ABI1: variants seen among roughly 807,000 people sequenced by gnomAD.
The protein encoded by ABI1 is abl interactor 1, also known as Abelson interactor 1.
Under a neutral mutation model 54.6 loss-of-function variants are expected in ABI1, and 14 were observed. The observed-to-expected ratio is 0.26, with a 90% confidence interval of 0.17 to 0.40. ABI1 has a LOEUF of 0.40. Among genes scored for constraint, ABI1 ranks in the 10% least tolerant of loss-of-function variants. The pLI, the probability that ABI1 is intolerant of heterozygous loss-of-function variation, is 1.00. For missense variants in ABI1, 443 were observed against 598.3 expected (o/e 0.74, Z 2.71); for synonymous variants, 194 against 209.3 (o/e 0.93, Z 0.63).
At chr10:26,834,299 A>G (rs1424650351) in intron 1 of ABI1, among the ~76,000 whole-genome samples, 7 of 152,270 alleles carry the variant, frequency 4.6e-5, no homozygotes, top group Admixed American at 6.5e-5. Flanking sequence ...ACAACCTCAA[A>G]AAGCACAGGC....
chr10:26,775,866 ATG>A (rs1325813265), intron 3 of ABI1, among the ~76,000 whole-genome samples: 1 of 152,182 alleles, frequency 6.6e-6, no homozygotes, highest in Non-Finnish European at 1.5e-5. Context: ...GTGTGCAAGT[ATG>A]TGTGTGCACA....
Position 26,823,133 on chromosome 10 carries a change from G to C in ABI1, c.285+5C>G, listed in dbSNP as rs750623551. 3 of 1,583,818 alleles carry C rather than the reference G, an allele frequency of 1.9e-6. No individual in the cohort carries two copies. The highest frequency in any genetic ancestry group is 2.8e-5 in the African/African-American group (2 of 72,710). ...TTGAATTTAAAGCATTTTATAAGCT[G>C]TTACCTGTGAGATATGATTGATGGA... On this transcript the variant is annotated splice_donor_5th_base_variant and intron_variant, in intron 2 of 10. Coordinates refer to ENST00000376140, the MANE Select transcript of ABI1 (RefSeq NM_001012750.3).
chr10:26,823,347 C>T, intron 1 of ABI1, 42 bp from the exon 2 acceptor site: 1 of 1,386,340 alleles, frequency 7.2e-7, no homozygotes, highest in East Asian at 2.7e-5. Context: ...TTTAGATTAA[C>T]ATTCATTAAA....
intron 2 of ABI1, among the ~76,000 whole-genome samples, chr10:26,798,689 G>T (rs2046357547): frequency 6.6e-6 from 1 of 151,976 alleles, no homozygotes; most frequent in Non-Finnish European, 1.5e-5. Context: ...TGGGGTTGGG[G>T]AATGTTCTAG....
rs190137961 is a variant in ABI1 at position 26,747,464 on chromosome 10, G to C, written c.*1106C>G. On this transcript the variant is annotated 3_prime_UTR_variant, in exon 11 of 11. Coordinates refer to ENST00000376140, the MANE Select transcript of ABI1 (RefSeq NM_001012750.3). ...AAAATTCTAATGTTGCTAGTGCCAG[G>C]TAATGGATTAAAGAGTGCCTACTCA... The C allele has an allele frequency of 4.7e-6, 1 of 212,594 alleles. No individual in the cohort carries two copies. Among genetic ancestry groups the C allele is most frequent in the South Asian group, 1.9e-4 (1 of 5,368 alleles). The allele number at this position is 212,594 out of a possible 1,614,324, so 13.2% of individuals were successfully genotyped here. A position where few individuals can be genotyped will look rare whatever the true frequency, so the allele number is the denominator to read the frequency against.
intron 2 of ABI1, among the ~76,000 whole-genome samples, chr10:26,815,233 A>G (rs575842604): frequency 6.6e-6 from 1 of 152,236 alleles, no homozygotes; most frequent in East Asian, 1.9e-4. Context: ...ATGTAAATTT[A>G]GCCAATTAGA....
chr10:26,771,964 T>C (rs1462257593), intron 3 of ABI1, among the ~76,000 whole-genome samples: 1 of 152,008 alleles, frequency 6.6e-6, no homozygotes. Context: ...AGAGTCTAAT[T>C]TTTTACAGAT....
At chr10:26,841,696 G>T (rs4749192) in intron 1 of ABI1, among the ~76,000 whole-genome samples, 86,988 of 151,382 alleles carry the variant, frequency 0.57, 27,105 homozygotes, top group African/African-American at 0.83. Context: ...TGCAATATTT[G>T]TCTTCCTGTG....
At chr10:26,854,821 A>T (rs1470843728) in intron 1 of ABI1, among the ~76,000 whole-genome samples, 1 of 152,166 alleles carries the variant, frequency 6.6e-6, no homozygotes, top group African/African-American at 2.4e-5. Flanking sequence ...TTTTTTGTTA[A>T]TCTCTACAAA....
chr10:26,844,977 T>A (rs775225409), intron 1 of ABI1, among the ~76,000 whole-genome samples: 2 of 152,302 alleles, frequency 1.3e-5, no homozygotes, highest in Non-Finnish European at 2.9e-5. Context: ...GTAAGATGAA[T>A]CTTCCCAAAG....
rs565998115 is a variant in ABI1, at chr10:26,845,298, C to A, written c.117+15449G>T. Among the ~76,000 whole-genome samples, 5 of 152,220 alleles carry A rather than the reference C, an allele frequency of 3.3e-5. No homozygotes were observed. The East Asian group carries it at 9.6e-4, about 29-fold the overall frequency. Reference sequence around the variant, plus strand: ...ACTATACATACTATAGACCAATTTTCTTTTTCTTAGATTTAAGGCTTTTCA... The same window carrying A: ...ACTATACATACTATAGACCAATTTTATTTTTCTTAGATTTAAGGCTTTTCA... On this transcript the variant is annotated intron_variant, in intron 1 of 10. Coordinates refer to ENST00000376140, the MANE Select transcript of ABI1 (RefSeq NM_001012750.3).
At position 26,839,088 on chromosome 10, in the gene ABI1, T is replaced by C. The variant is rs11015331; in HGVS notation, c.118-15783A>G. ...AGCATGTTTTTGATCTATGAAACAA[T>C]TGATGTTCTACACATAGGGTTCTAT... On this transcript the variant is annotated intron_variant, in intron 1 of 10. Coordinates refer to ENST00000376140, the MANE Select transcript of ABI1 (RefSeq NM_001012750.3). Among the ~76,000 whole-genome samples, 1,177 of 152,270 alleles carry C rather than the reference T, an allele frequency of 7.7e-3. 6 individuals carry two copies. The highest frequency in any genetic ancestry group is 0.012 in the Non-Finnish European group (797 of 68,010).
rs903512547 is a variant in ABI1, at chr10:26,768,957, T to C, written c.614A>G (p.Lys205Arg). Residue 205 changes from lysine to arginine, a missense_variant, in exon 6 of 11, where the codon AAA becomes AGA. Physicochemically the swap from Lys to Arg is conservative, Grantham distance 26 (BLOSUM62 2). Transcript: ENST00000376140. Reference protein sequence around the residue: ...NTPYKTLEPVKPPTVPNDYMT... With the variant: ...NTPYKTLEPVRPPTVPNDYMT... ...ATAGTCATTAGGAACTGTTGGGGGT[T>C]TAACAGGTTCCAGGGTTTTATAAGG... 6.2e-7 allele frequency: 1 copy of C among 1,612,766 alleles called. No individual in the cohort carries two copies. The highest frequency in any genetic ancestry group is 1.3e-5 in the African/African-American group (1 of 74,964).
At chr10:26,750,956 AG>A (rs1405360347) in intron 10 of ABI1, among the ~76,000 whole-genome samples, 11 of 152,234 alleles carry the variant, frequency 7.2e-5, no homozygotes, top group African/African-American at 2.4e-5. Flanking sequence ...ACCTTAATTG[AG>A]GCTTTTCTCA....
chr10:26,832,571 G>A (rs1197763654), intron 1 of ABI1, among the ~76,000 whole-genome samples: 2 of 151,902 alleles, frequency 1.3e-5, no homozygotes, highest in Non-Finnish European at 2.9e-5. Context: ...GTGACAAAGT[G>A]AGACTCCATC....
chr10:26,847,676 T>C (rs2050081978), intron 1 of ABI1, among the ~76,000 whole-genome samples: 1 of 151,570 alleles, frequency 6.6e-6, no homozygotes, highest in Non-Finnish European at 1.5e-5. Flanking sequence ...AAGATGGAAC[T>C]GAAAAAAAAT....
intron 2 of ABI1, among the ~76,000 whole-genome samples, chr10:26,820,081 G>A (rs1410098550): frequency 6.6e-6 from 1 of 152,208 alleles, no homozygotes; most frequent in Non-Finnish European, 1.5e-5. Flanking sequence ...TTTCAGCTAT[G>A]CAGGATGAAT....
chr10:26,814,667 G>T (rs2047446155), intron 2 of ABI1, among the ~76,000 whole-genome samples: 1 of 152,036 alleles, frequency 6.6e-6, no homozygotes, highest in Admixed American at 6.6e-5. Context: ...GTTACAGAAA[G>T]GACTTATCAG....
chr10:26,758,767 A>G (rs1838707254), intron 8 of ABI1, among the ~76,000 whole-genome samples: 1 of 152,188 alleles, frequency 6.6e-6, no homozygotes, highest in Non-Finnish European at 1.5e-5. Context: ...TTTGTTCTCT[A>G]GTTCTACTTA....
Sources: allele counts gnomAD v4.1 joint callset (sites outside exome capture counted in the v4.1 genomes callset), GRCh38; gene constraint gnomAD v4.1.1; transcripts MANE v1.5; gene names NCBI Gene and HGNC (gene_info 2026-07-23, HGNC 2026-07-21).